ERC2: variants seen among roughly 807,000 people sequenced by gnomAD.
The protein encoded by ERC2 is ELKS/RAB6-interacting/CAST family member 2.
ERC2 carries 42 observed loss-of-function variants against 114.8 expected under a neutral mutation model. That is an observed-to-expected ratio of 0.37 (90% CI 0.29 to 0.47). The LOEUF (loss-of-function observed/expected upper bound fraction) is 0.47, where lower values mean the gene tolerates loss of function less well. Among genes scored for constraint, ERC2 ranks in the 20% least tolerant of loss-of-function variants. The pLI is 0.99. For synonymous variants in ERC2, 454 were observed against 425.5 expected, an observed-to-expected ratio of 1.07 and a Z score of -0.82; for missense variants, 939 against 1,150.7, an observed-to-expected ratio of 0.82 and a Z score of 2.66.
At chr3:55,583,942 G>A (rs374925629) in intron 17 of ERC2, among the ~76,000 whole-genome samples, 21 of 152,066 alleles carry the variant, frequency 1.4e-4, no homozygotes, top group East Asian at 3.9e-4. Flanking sequence ...AGACTTTCTG[G>A]GATAGAATTT....
At chr3:56,030,553 T>G (rs2074316766) in intron 7 of ERC2, among the ~76,000 whole-genome samples, 1 of 152,232 alleles carries the variant, frequency 6.6e-6, no homozygotes, top group South Asian at 2.1e-4. Flanking sequence ...TCTGTTTTAT[T>G]ATGATATAAT....
Position 56,455,313 on chromosome 3 carries a change from T to A in ERC2, c.-141+12935A>T, listed in dbSNP as rs181644173. 4.4e-4 allele frequency among the ~76,000 whole-genome samples: 67 copies of A among 152,292 alleles called. 1 individual carries two copies. The Middle Eastern group carries it at 0.014, about 31-fold the overall frequency. On this transcript the variant is annotated intron_variant, in intron 1 of 17. Transcript: ENST00000288221. ...AACTAGTGGTGAGACATCCCTACTC[T>A]CCTAGCCTTTGTGTAAAAATACCCT...
intron 2 of ERC2, among the ~76,000 whole-genome samples, chr3:56,331,755 T>C (rs2057627159): frequency 6.6e-6 from 1 of 152,170 alleles, no homozygotes; most frequent in South Asian, 2.1e-4. Flanking sequence ...CCTCACTGCC[T>C]TCCCTACCCA....
At chr3:55,892,386 G>A (rs2063651694) in intron 13 of ERC2, among the ~76,000 whole-genome samples, 1 of 152,160 alleles carries the variant, frequency 6.6e-6, no homozygotes, top group Non-Finnish European at 1.5e-5. Flanking sequence ...GCCAGGCGTG[G>A]TGACACGCAC....
chr3:56,307,449 C>T (rs1405542175), intron 2 of ERC2, among the ~76,000 whole-genome samples: 1 of 152,156 alleles, frequency 6.6e-6, no homozygotes, highest in African/African-American at 2.4e-5. Flanking sequence ...TGAATCTCCC[C>T]TAAGCCATAG....
chr3:55,831,353 G>A (rs1364552260), intron 14 of ERC2, among the ~76,000 whole-genome samples: 1 of 101,480 alleles, frequency 9.9e-6, no homozygotes, highest in Non-Finnish European at 2.0e-5. Context: ...GGAGGGGAGG[G>A]GAGAGAAGGG....
At position 55,942,301 on chromosome 3, in the gene ERC2, T is replaced by TTTTTTTTTTTTTTTG. The variant is rs1559906638; in HGVS notation, c.2403+8123_2403+8124insCAAAAAAAAAAAAAA. ...TTTTTTTTTTTTTTTTTTTTTTTTT[T>TTTTTTTTTTTTTTTG]TTGTTGAGACGGAGTCTCGCTCTGT... On this transcript the variant is annotated intron_variant, in intron 13 of 17. Coordinates refer to ENST00000288221, the MANE Select transcript of ERC2 (RefSeq NM_015576.3). Among the ~76,000 whole-genome samples, 5 of 120,780 alleles carry TTTTTTTTTTTTTTTG rather than the reference T, an allele frequency of 4.1e-5. 1 individual carries two copies. Among genetic ancestry groups the TTTTTTTTTTTTTTTG allele is most frequent in the African/African-American group, 1.7e-4 (5 of 29,468 alleles). The allele number at this position is 120,780 out of a possible 152,430, so 79.2% of individuals were successfully genotyped here.
intron 1 of ERC2, among the ~76,000 whole-genome samples, chr3:56,459,202 A>G (rs1394666613): frequency 6.6e-6 from 1 of 152,080 alleles, no homozygotes; most frequent in Non-Finnish European, 1.5e-5. Flanking sequence ...ACTGGTAACC[A>G]CAGTGCACAA....
At chr3:56,281,233 C>G (rs1008815746) in intron 3 of ERC2, among the ~76,000 whole-genome samples, 1 of 151,224 alleles carries the variant, frequency 6.6e-6, no homozygotes, top group Non-Finnish European at 1.5e-5. Context: ...GTCAGGAGAT[C>G]GAGACCATCC....
intron 14 of ERC2, among the ~76,000 whole-genome samples, chr3:55,800,710 T>C (rs2070979139): frequency 6.6e-6 from 1 of 152,114 alleles, no homozygotes; most frequent in African/African-American, 2.4e-5. Context: ...CCCTTCTAGA[T>C]CCATCTCCAC....
chr3:56,139,945 T>C (rs1224526661), intron 5 of ERC2, among the ~76,000 whole-genome samples: 1 of 152,118 alleles, frequency 6.6e-6, no homozygotes. Flanking sequence ...AATTTCACAA[T>C]GGAATGAAGC....
Position 56,449,536 on chromosome 3 carries a change from C to A in ERC2, c.-140-14389G>T, listed in dbSNP as rs1237070425. Among the ~76,000 whole-genome samples the A allele has an allele frequency of 5.3e-5, 8 of 152,200 alleles. No homozygotes were observed. The East Asian group carries it at 1.5e-3, about 29-fold the overall frequency. On this transcript the variant is annotated intron_variant, in intron 1 of 17. Coordinates refer to ENST00000288221, the MANE Select transcript of ERC2 (RefSeq NM_015576.3). The stretch of plus-strand genomic sequence containing the variant: ...CATATCACTAAAATCACTTCCATGG[C>A]AGTTATAGGACAATTCTGTAATTGT...
rs114698616 is a variant in ERC2, at chr3:56,023,851, G to A, written c.1642-4820C>T. On this transcript the variant is annotated intron_variant, in intron 7 of 17. Coordinates refer to ENST00000288221, the MANE Select transcript of ERC2 (RefSeq NM_015576.3). Reference sequence around the variant, plus strand: ...TGGCTTGTGTAAAAGGAAGAGGCCAGAGTAGGTGACGGCTGAGTCCCTTCA... The same window carrying A: ...TGGCTTGTGTAAAAGGAAGAGGCCAAAGTAGGTGACGGCTGAGTCCCTTCA... 9.1e-3 allele frequency among the ~76,000 whole-genome samples: 1,302 copies of A among 143,824 alleles called. 14 individuals carry two copies. Among genetic ancestry groups the A allele is most frequent in the African/African-American group, 0.031 (1,232 of 40,274 alleles). 94.4% of individuals were successfully genotyped at this position (143,824 alleles called of 152,430 possible).
At chr3:55,760,555 A>G (rs1232205733) in intron 14 of ERC2, among the ~76,000 whole-genome samples, 2 of 152,230 alleles carry the variant, frequency 1.3e-5, no homozygotes. Flanking sequence ...GGTGAGAAAG[A>G]TGGCTGAACT....
At chr3:55,802,561 A>G (rs958596467) in intron 14 of ERC2, among the ~76,000 whole-genome samples, 8 of 152,242 alleles carry the variant, frequency 5.3e-5, no homozygotes, top group African/African-American at 1.9e-4. Flanking sequence ...TGCTTTTTAA[A>G]TGGTAGACAA....
intron 1 of ERC2, among the ~76,000 whole-genome samples, chr3:56,456,599 GGCC>G (rs1463310508): frequency 6.6e-6 from 1 of 152,078 alleles, no homozygotes; most frequent in Non-Finnish European, 1.5e-5. Context: ...ATAAATAGTT[GGCC>G]AATTTAAGTT....
intron 13 of ERC2, among the ~76,000 whole-genome samples, chr3:55,930,851 T>G (rs1051096582): frequency 6.6e-6 from 1 of 152,046 alleles, no homozygotes; most frequent in East Asian, 1.9e-4. Context: ...TTGCAATCTA[T>G]CCATCTGACA....
At chr3:55,763,266 G>T (rs552684802) in intron 14 of ERC2, among the ~76,000 whole-genome samples, 1 of 152,310 alleles carries the variant, frequency 6.6e-6, no homozygotes, top group South Asian at 2.1e-4. Flanking sequence ...ACATGAAAGC[G>T]TTTAAACTAA....
At chr3:55,618,856 C>A (rs2059222237) in intron 17 of ERC2, among the ~76,000 whole-genome samples, 1 of 152,164 alleles carries the variant, frequency 6.6e-6, no homozygotes, top group Admixed American at 6.5e-5. Flanking sequence ...CTGTCCTGAT[C>A]AACAGGAAAA....
Sources: allele counts gnomAD v4.1 joint callset (sites outside exome capture counted in the v4.1 genomes callset), GRCh38; gene constraint gnomAD v4.1.1; transcripts MANE v1.5; gene names NCBI Gene and HGNC (gene_info 2026-07-23, HGNC 2026-07-21).